Variants in NPAS2 observed in about 807,000 individuals in gnomAD.
NPAS2 encodes neuronal PAS domain protein 2.
A neutral mutation model predicts 107.5 loss-of-function variants in NPAS2; 23 were observed. That is an observed-to-expected ratio of 0.21 (90% confidence interval 0.15 to 0.30). The LOEUF (loss-of-function observed/expected upper bound fraction) is 0.30. NPAS2 is among the 10% of genes least tolerant of loss of function. The pLI is 1.00. For missense variants in NPAS2, 756 were observed against 1,043.3 expected, an observed-to-expected ratio of 0.72 and a Z score of 3.79; for synonymous variants, 403 against 417.5, an observed-to-expected ratio of 0.97 and a Z score of 0.42.
At position 100,980,157 on chromosome 2, in the gene NPAS2, T is replaced by TG. The variant is rs1372466265; in HGVS notation, c.1483-2073dup. 2.6e-5 allele frequency among the ~76,000 whole-genome samples: 4 copies of TG among 152,148 alleles called. No individual in the cohort carries two copies. In the East Asian group the frequency reaches 7.7e-4, roughly 29 times the overall value. On this transcript the variant is annotated intron_variant, in intron 15 of 20. Transcript: ENST00000335681. ...TAATGATGGGGTGTCTGGGAGGCCT[T>TG]GAAAAAATCCGAATAACGTGAGAGG...
At chr2:100,829,005 A>G (rs533417489) in intron 1 of NPAS2, among the ~76,000 whole-genome samples, 1 of 152,246 alleles carries the variant, frequency 6.6e-6, no homozygotes, top group Admixed American at 6.5e-5. Flanking sequence ...CATTTTAATA[A>G]TATTGATTCT....
intron 8 of NPAS2, 104 bp downstream of exon 8, chr2:100,964,280 G>A: frequency 1.2e-6 from 1 of 818,596 alleles, no homozygotes; most frequent in Non-Finnish European, 2.1e-6. Flanking sequence ...TTGCAGTGAA[G>A]TTGTCACTGG....
chr2:100,994,013 A>T (rs1678297453), intron 20 of NPAS2: 1 of 153,052 alleles, frequency 6.5e-6, no homozygotes, highest in African/African-American at 2.4e-5. Flanking sequence ...ACATGTGGTC[A>T]CTACTTCGAA....
At chr2:100,947,032 G>C (rs1674938352) in intron 5 of NPAS2, among the ~76,000 whole-genome samples, 1 of 152,196 alleles carries the variant, frequency 6.6e-6, no homozygotes, top group Non-Finnish European at 1.5e-5. Flanking sequence ...TCCCCAGGGA[G>C]CATCTGAGTG....
At chr2:100,871,926 A>G (rs1440890290) in intron 1 of NPAS2, among the ~76,000 whole-genome samples, 1 of 152,048 alleles carries the variant, frequency 6.6e-6, no homozygotes, top group Non-Finnish European at 1.5e-5. Flanking sequence ...TCTGTTGCAG[A>G]CCCTTTGGGG....
At chr2:100,869,021 C>A (rs554057730) in intron 1 of NPAS2, among the ~76,000 whole-genome samples, 1 of 152,204 alleles carries the variant, frequency 6.6e-6, no homozygotes, top group African/African-American at 2.4e-5. Flanking sequence ...AACCTTCTCC[C>A]AGGTTCAAGC....
At chr2:100,914,785 C>T (rs1001782986) in intron 2 of NPAS2, among the ~76,000 whole-genome samples, 4 of 152,142 alleles carry the variant, frequency 2.6e-5, no homozygotes, top group African/African-American at 7.2e-5. Flanking sequence ...ATGGAGTTAG[C>T]CTACTCCGTC....
At chr2:100,827,928 C>T (rs1372548552) in intron 1 of NPAS2, among the ~76,000 whole-genome samples, 1 of 152,158 alleles carries the variant, frequency 6.6e-6, no homozygotes, top group South Asian at 2.1e-4. Context: ...ATAGATACTA[C>T]TATCAGTAGT....
intron 1 of NPAS2, among the ~76,000 whole-genome samples, chr2:100,875,825 G>A (rs1679931148): frequency 6.6e-6 from 1 of 152,166 alleles, no homozygotes; most frequent in African/African-American, 2.4e-5. Context: ...TTTTTCCCTT[G>A]AAGTAACAAA....
intron 1 of NPAS2, among the ~76,000 whole-genome samples, chr2:100,896,204 G>A (rs1681400670): frequency 6.6e-6 from 1 of 152,198 alleles, no homozygotes. Flanking sequence ...TAGCTGCATT[G>A]TGTTAGGAAT....
At chr2:100,975,725 T>G in intron 14 of NPAS2, 158 bp downstream of exon 14, 1 of 522,800 alleles carries the variant, frequency 1.9e-6, no homozygotes, top group South Asian at 3.0e-5. Flanking sequence ...GTAATTTAAT[T>G]GGCAACTAAT....
Position 100,952,893 on chromosome 2 carries a change from G to A in NPAS2, c.598+3413G>A, listed in dbSNP as rs146057505. On this transcript the variant is annotated intron_variant, in intron 7 of 20. Transcript: ENST00000335681. ...TGGAAACTATTACTGCTGTAAACAC[G>A]CAGCACTGAATGTGGCAAATTTAAA... Among the ~76,000 whole-genome samples the A allele has an allele frequency of 4.7e-3, 685 of 147,262 alleles. 2 individuals carry two copies. Among genetic ancestry groups the A allele is most frequent in the Non-Finnish European group, 4.7e-3 (313 of 67,278 alleles).
intron 12 of NPAS2, chr2:100,972,871 T>C (rs1033214180): frequency 6.6e-6 from 1 of 152,178 alleles, no homozygotes; most frequent in Non-Finnish European, 1.5e-5. Flanking sequence ...CTCATCAAAA[T>C]GCATATATGT....
intron 7 of NPAS2, among the ~76,000 whole-genome samples, chr2:100,956,859 G>T (rs566529418): frequency 6.6e-6 from 1 of 152,206 alleles, no homozygotes. Flanking sequence ...GGCTGAGTTC[G>T]TAGGAATTTG....
intron 1 of NPAS2, among the ~76,000 whole-genome samples, chr2:100,831,103 C>A (rs1676704576): frequency 6.6e-6 from 1 of 152,030 alleles, no homozygotes. Flanking sequence ...AGTTCAAGAC[C>A]AGCCTGGGCA....
chr2:100,938,691 T>TG (rs1684513025), intron 5 of NPAS2, among the ~76,000 whole-genome samples: 1 of 140,718 alleles, frequency 7.1e-6, no homozygotes, highest in Admixed American at 7.4e-5. Context: ...GACCCACCGT[T>TG]GAGGCTCCCT....
At chr2:100,898,875 G>A (rs181720954) in intron 1 of NPAS2, among the ~76,000 whole-genome samples, 549 of 152,160 alleles carry the variant, frequency 3.6e-3, no homozygotes, top group Middle Eastern at 0.017. Context: ...TTATGAGTGA[G>A]TTTATCGCCA....
chr2:100,926,044 T>C (rs1343139126), intron 3 of NPAS2, among the ~76,000 whole-genome samples: 1 of 152,182 alleles, frequency 6.6e-6, no homozygotes, highest in East Asian at 1.9e-4. Flanking sequence ...ATACGGTATG[T>C]GGTCTTTTTG....
intron 2 of NPAS2, among the ~76,000 whole-genome samples, chr2:100,906,788 G>A (rs1053355259): frequency 1.1e-4 from 16 of 152,246 alleles, no homozygotes; most frequent in Admixed American, 8.5e-4. Context: ...TTTTATGTAC[G>A]TCATCTCATA....
Sources: gnomAD v4.1 joint callset for allele counts (sites outside exome capture counted in the v4.1 genomes callset) on GRCh38, gnomAD v4.1.1 for gene constraint, MANE v1.5 for transcripts, NCBI Gene and HGNC (gene_info 2026-07-23, HGNC 2026-07-21) for gene names.